Variants in RAI1 observed in about 807,000 individuals in gnomAD.
RAI1 encodes the protein retinoic acid-induced protein 1.
RAI1 carries 9 observed loss-of-function variants against 123.8 expected under a neutral mutation model. The ratio of observed to expected loss-of-function variants is 0.07; its 90% CI spans 0.04 to 0.13. RAI1 has a LOEUF of 0.13. Ranked by LOEUF, RAI1 falls within the 10% of genes least tolerant of loss-of-function variation. RAI1 has a pLI of 1.00. For missense variants in RAI1, 2,256 were observed against 2,545.8 expected (o/e 0.89, Z 2.45); for synonymous variants, 1,231 against 1,127.3 (o/e 1.09, Z -1.84).
chr17:17,776,213 C>G (rs2031336878), intron 2 of RAI1, among the ~76,000 whole-genome samples: 1 of 152,240 alleles, frequency 6.6e-6, no homozygotes, highest in Non-Finnish European at 1.5e-5. Context: ...TAGAGTCAAA[C>G]AGCTGGAAAG....
chr17:17,764,008 C>T (rs905125988), intron 2 of RAI1, among the ~76,000 whole-genome samples: 5 of 152,252 alleles, frequency 3.3e-5, no homozygotes, highest in African/African-American at 1.2e-4. Context: ...CAGCATGTGG[C>T]ACTTCCACTT....
In RAI1 at chr17:17,809,130, G is replaced by A. The variant is rs746550758; in HGVS notation, c.5660-260G>A. The stretch of plus-strand genomic sequence containing the variant: ...GGGACTGCCTCAAGTGAGGAGGGGC[G>A]GCACGTGGAACTCAGGGGGAAAAGC... On this transcript the variant is annotated intron_variant, in intron 4 of 5. Transcript: ENST00000353383. This position sits in a 1 kb window ranked among gnomAD's most constrained non-coding sequence, Gnocchi z 4.9. The A allele has an allele frequency of 2.0e-5, 11 of 563,036 alleles. No individual in the cohort carries two copies. The highest frequency in any genetic ancestry group is 9.4e-5 in the African/African-American group (5 of 52,986). 34.9% of individuals were successfully genotyped at this position (563,036 alleles called of 1,614,324 possible). A position where few individuals can be genotyped will look rare whatever the true frequency, so the allele number is the denominator to read the frequency against.
chr17:17,792,397 C>T (rs2032047558), intron 2 of RAI1, among the ~76,000 whole-genome samples: 1 of 152,100 alleles, frequency 6.6e-6, no homozygotes, highest in South Asian at 2.1e-4. Flanking sequence ...AGGGGCAGAC[C>T]CTCCTCAGTC....
intron 2 of RAI1, chr17:17,766,294 G>T (rs1331795818): frequency 6.6e-6 from 1 of 152,254 alleles, no homozygotes; most frequent in African/African-American, 2.4e-5. Flanking sequence ...GGAAGCCGAG[G>T]GAGGATGCCT....
In RAI1 at chr17:17,793,688, A is replaced by G; in HGVS notation, c.740A>G (p.His247Arg). 3 of 1,613,076 alleles carry G rather than the reference A, an allele frequency of 1.9e-6. No individual in the cohort carries two copies. Among genetic ancestry groups the G allele is most frequent in the Non-Finnish European group, 2.5e-6 (3 of 1,180,024 alleles). Residue 247 changes from histidine to arginine, a missense_variant, in exon 3 of 6, where the codon CAT becomes CGT. Physicochemically the swap from His to Arg is conservative, Grantham distance 29 (BLOSUM62 0). Coordinates refer to ENST00000353383, the MANE Select transcript of RAI1 (RefSeq NM_030665.4). ...KSCTAPTAQP[H>R]DRPLTASSSL... The stretch of plus-strand genomic sequence containing the variant: ...TGCACAGCACCGACTGCCCAGCCCC[A>G]TGACAGGCCGCTGACTGCCAGCTCC...
chr17:17,804,650 G>C (rs1359729249), intron 4 of RAI1, among the ~76,000 whole-genome samples: 1 of 151,992 alleles, frequency 6.6e-6, no homozygotes, highest in East Asian at 1.9e-4. Flanking sequence ...CCTAGTGGTG[G>C]GGGGTGGGGT....
At chr17:17,684,785 C>T (rs1914574816) in intron 1 of RAI1, 1 of 151,264 alleles carries the variant, frequency 6.6e-6, no homozygotes. Flanking sequence ...ACTGTGGGCT[C>T]TTCCTCGGCA....
At chr17:17,697,535 A>G (rs1915079236) in intron 1 of RAI1, among the ~76,000 whole-genome samples, 1 of 152,274 alleles carries the variant, frequency 6.6e-6, no homozygotes, top group South Asian at 2.1e-4. Flanking sequence ...GGAGGCAGCC[A>G]GGCTGGGGCC....
intron 2 of RAI1, among the ~76,000 whole-genome samples, chr17:17,726,491 C>G (rs1417965658): frequency 6.6e-6 from 1 of 152,230 alleles, no homozygotes; most frequent in Non-Finnish European, 1.5e-5. Flanking sequence ...TTCCCTTCCC[C>G]AGACCTCGAG....
intron 1 of RAI1, among the ~76,000 whole-genome samples, chr17:17,690,037 T>C (rs1914783946): frequency 6.6e-6 from 1 of 152,154 alleles, no homozygotes; most frequent in Non-Finnish European, 1.5e-5. Flanking sequence ...GAGGCCTTAT[T>C]GACCTGGGAA....
At chr17:17,757,257 T>C (rs987344129) in intron 2 of RAI1, among the ~76,000 whole-genome samples, 2 of 152,172 alleles carry the variant, frequency 1.3e-5, no homozygotes, top group Non-Finnish European at 2.9e-5. Context: ...CGGCAGCTCA[T>C]CTGGCTGCAG....
chr17:17,779,214 G>A (rs1030790385), intron 2 of RAI1: 7 of 327,348 alleles, frequency 2.1e-5, no homozygotes, highest in African/African-American at 1.5e-4. Context: ...TGCCTCTGGA[G>A]CAGTGGCTGG....
chr17:17,803,692 C>T (rs1278491407), intron 3 of RAI1, 64 bp from the exon 4 acceptor site: 1 of 1,483,240 alleles, frequency 6.7e-7, no homozygotes, highest in Non-Finnish European at 9.4e-7. Context: ...GGCCTACCAG[C>T]CTGTAAAGCT....
At chr17:17,694,521 G>A (rs1204753324) in intron 1 of RAI1, among the ~76,000 whole-genome samples, 1 of 152,174 alleles carries the variant, frequency 6.6e-6, no homozygotes, top group African/African-American at 2.4e-5. Context: ...CGCCCGGGCA[G>A]CTCCACGCTC....
chr17:17,725,586 T>G (rs1916061149), intron 2 of RAI1, among the ~76,000 whole-genome samples: 1 of 151,864 alleles, frequency 6.6e-6, no homozygotes, highest in Admixed American at 6.5e-5. Flanking sequence ...GCCCCCAGAT[T>G]ATTTTGCTCC....
At chr17:17,755,008 C>T (rs957129203) in intron 2 of RAI1, among the ~76,000 whole-genome samples, 1 of 152,196 alleles carries the variant, frequency 6.6e-6, no homozygotes, top group Non-Finnish European at 1.5e-5. Flanking sequence ...GCGGGGAGGT[C>T]AGGAGAGGAG....
At chr17:17,748,249 C>A (rs954990091) in intron 2 of RAI1, among the ~76,000 whole-genome samples, 1 of 152,186 alleles carries the variant, frequency 6.6e-6, no homozygotes, top group Non-Finnish European at 1.5e-5. Flanking sequence ...GGGGCAGATG[C>A]CCAAATAAGT....
intron 2 of RAI1, among the ~76,000 whole-genome samples, chr17:17,725,139 G>A (rs1002250233): frequency 6.6e-6 from 1 of 152,070 alleles, no homozygotes; most frequent in Non-Finnish European, 1.5e-5. Flanking sequence ...GGGGGCTGGG[G>A]GGTGGGCGCG....
intron 2 of RAI1, among the ~76,000 whole-genome samples, chr17:17,761,383 G>A (rs1010423475): frequency 4.5e-4 from 68 of 152,058 alleles, no homozygotes; most frequent in Non-Finnish European, 1.0e-4. Flanking sequence ...ACCAGCCCAC[G>A]TCATTAGCTT....
Sources: gnomAD v4.1 joint callset for allele counts (sites outside exome capture counted in the v4.1 genomes callset) on GRCh38, gnomAD v4.1.1 for gene constraint, Gnocchi (gnomAD v3.1) non-coding constraint, MANE v1.5 for transcripts, NCBI Gene and HGNC (gene_info 2026-07-23, HGNC 2026-07-21) for gene names.